Variants in FRYL observed in about 807,000 individuals in gnomAD.
FRYL encodes FRY like transcription coactivator.
A neutral mutation model predicts 351.2 loss-of-function variants in FRYL; 150 were observed. The observed-to-expected ratio is 0.43, with a 90% CI of 0.37 to 0.49. The LOEUF (loss-of-function observed/expected upper bound fraction) is 0.49, where lower values mean the gene tolerates loss of function less well. Ranked by LOEUF, FRYL falls within the 20% of genes least tolerant of loss-of-function variation. FRYL has a pLI of 0.00. For missense variants in FRYL, 3,036 were observed against 3,619.3 expected (o/e 0.84, Z 4.13); for synonymous variants, 1,153 against 1,257.1 (o/e 0.92, Z 1.75).
chr4:48,531,292 A>G lies in FRYL; in HGVS notation c.6767T>C (p.Leu2256Pro). 6.2e-7 allele frequency: 1 copy of G among 1,613,780 alleles called. No homozygotes were observed. Among genetic ancestry groups the G allele is most frequent in the Non-Finnish European group, 8.5e-7 (1 of 1,179,724 alleles). ...CTTGGGGATATCACTGGGTACGACAAGACTCGCAGAGCGTGACACCACCAG... is the reference window on the plus strand; with the variant it reads ...CTTGGGGATATCACTGGGTACGACAGGACTCGCAGAGCGTGACACCACCAG... ...LKLVVSRSAS[L>P]VVPSDIPKTY... The change falls in exon 50 of 64, where the codon CTT (leucine) becomes CCT (proline). Residue 2256 changes from leucine to proline, a missense_variant. Coordinates refer to ENST00000358350, the MANE Select transcript of FRYL (RefSeq NM_015030.2).
rs1724797015 is a variant in FRYL, at chr4:48,521,035, C to T, written c.7689+13G>A. On this transcript the variant is annotated intron_variant, in intron 55 of 63. Transcript: ENST00000358350. ...CCCAGATTGGCCATGCACCAGCCTC[C>T]ATTTCTCCCCACCTCAGGCAGCCGG... The T allele has an allele frequency of 1.9e-6, 3 of 1,601,218 alleles. No individual in the cohort carries two copies. The highest frequency in any genetic ancestry group is 2.6e-6 in the Non-Finnish European group (3 of 1,173,254).
chr4:48,562,968 A>G lies in FRYL; in HGVS notation c.3617T>C (p.Val1206Ala). The change falls in exon 32 of 64, where the codon GTG (valine) becomes GCG (alanine). Residue 1206 changes from valine to alanine, a missense_variant. By Grantham distance (64) the Val-to-Ala change is moderately conservative. Transcript: ENST00000358350. Reference protein sequence around the residue: ...FQNRDYQCDTVMLLNLILFKA... With the variant: ...FQNRDYQCDTAMLLNLILFKA... ...AAACAGTATCAGATTTAGAAGCATC[A>G]CTGTGTCACATTGATAATCCCTAGG... 1.2e-6 allele frequency: 2 copies of G among 1,602,868 alleles called. No individual in the cohort carries two copies. The highest frequency in any genetic ancestry group is 8.5e-7 in the Non-Finnish European group (1 of 1,170,834).
Position 48,498,847 on chromosome 4 carries a change from C to G in FRYL, c.*575G>C, listed in dbSNP as rs757063243. ...ACTCACACACACATAATTCCTTATA[C>G]AGACCAAAAAACAAAAAAACCCAAA... On this transcript the variant is annotated 3_prime_UTR_variant, in exon 64 of 64. Coordinates refer to ENST00000358350, the MANE Select transcript of FRYL (RefSeq NM_015030.2). 1.9e-4 allele frequency: 29 copies of G among 156,160 alleles called. No individual in the cohort carries two copies. The highest frequency in any genetic ancestry group is 3.1e-4 in the Non-Finnish European group (22 of 70,322). 9.7% of individuals were successfully genotyped at this position (156,160 alleles called of 1,614,324 possible).
intron 55 of FRYL, among the ~76,000 whole-genome samples, chr4:48,520,312 T>G (rs1220638826): frequency 1.3e-5 from 2 of 152,202 alleles, no homozygotes; most frequent in African/African-American, 4.8e-5. Context: ...AGAGTCAGCC[T>G]AACAAGAACA....
intron 1 of FRYL, among the ~76,000 whole-genome samples, chr4:48,748,245 C>CA (rs1043183710): frequency 4.8e-5 from 7 of 146,782 alleles, no homozygotes; most frequent in South Asian, 2.1e-4. Context: ...GACTCCGTTT[C>CA]AAAAAAAAAA....
chr4:48,627,611 C>T (rs763139693), intron 4 of FRYL, among the ~76,000 whole-genome samples: 1 of 151,478 alleles, frequency 6.6e-6, no homozygotes, highest in Non-Finnish European at 1.5e-5. Flanking sequence ...CAAAAGGATA[C>T]GTTATCCAAA....
Position 48,626,288 on chromosome 4 carries a change from G to A in FRYL, c.121-3109C>T, listed in dbSNP as rs565818584. On this transcript the variant is annotated intron_variant, in intron 4 of 63. Coordinates refer to ENST00000358350, the MANE Select transcript of FRYL (RefSeq NM_015030.2). Reference sequence around the variant, plus strand: ...TGTATATGTGTATACATGTGTATACGTATGCATATGTTTATATTTAAGTTT... The same window carrying A: ...TGTATATGTGTATACATGTGTATACATATGCATATGTTTATATTTAAGTTT... Among the ~76,000 whole-genome samples, 19 of 151,376 alleles carry A rather than the reference G, an allele frequency of 1.3e-4. No individual in the cohort carries two copies. In the East Asian group the frequency reaches 2.9e-3, roughly 23 times the overall value.
chr4:48,732,650 A>G (rs990433749), intron 1 of FRYL, among the ~76,000 whole-genome samples: 2 of 152,024 alleles, frequency 1.3e-5, no homozygotes, highest in Non-Finnish European at 2.9e-5. Context: ...GCTGGAAACC[A>G]TCATTCTCAG....
At chr4:48,584,144 T>C (rs1055985922) in intron 19 of FRYL, among the ~76,000 whole-genome samples, 1 of 152,204 alleles carries the variant, frequency 6.6e-6, no homozygotes, top group Non-Finnish European at 1.5e-5. Flanking sequence ...ATAATAATAT[T>C]ATATGAATAA....
intron 3 of FRYL, among the ~76,000 whole-genome samples, chr4:48,645,752 C>A (rs1192546388): frequency 6.6e-6 from 1 of 152,108 alleles, no homozygotes; most frequent in South Asian, 2.1e-4. Context: ...GAACAGTTGG[C>A]TCTATACAAT....
chr4:48,674,992 T>G (rs191273834), intron 3 of FRYL, among the ~76,000 whole-genome samples: 1 of 152,302 alleles, frequency 6.6e-6, no homozygotes, highest in African/African-American at 2.4e-5. Context: ...CCATTGTCTT[T>G]TTGCCTAAAA....
intron 1 of FRYL, among the ~76,000 whole-genome samples, chr4:48,773,605 G>T (rs1352880318): frequency 5.9e-5 from 9 of 152,104 alleles, no homozygotes; most frequent in Admixed American, 3.3e-4. Context: ...TATTCTCCAG[G>T]CTTAGGTAGA....
intron 27 of FRYL, among the ~76,000 whole-genome samples, chr4:48,568,095 T>C (rs1177384064): frequency 1.3e-5 from 2 of 152,156 alleles, no homozygotes; most frequent in African/African-American, 4.8e-5. Context: ...TGAAACCCCA[T>C]CTCTACAAAA....
Position 48,550,550 on chromosome 4 carries a change from C to A in FRYL, c.4633+42G>T, listed in dbSNP as rs748184068. On this transcript the variant is annotated intron_variant, in intron 38 of 63. Transcript: ENST00000358350. ...AACATTAATGTAATTAACAATACAC[C>A]TCACCCTTATAGTTATATTAAAAAC... is the stretch of plus-strand genomic sequence containing the variant. 3 of 1,190,692 alleles carry A rather than the reference C, an allele frequency of 2.5e-6. No homozygotes were observed. The Admixed American group carries it at 5.0e-5, about 20-fold the overall frequency. 73.8% of individuals were successfully genotyped at this position (1,190,692 alleles called of 1,614,324 possible).
intron 59 of FRYL, chr4:48,506,248 T>C (rs1720883699): frequency 6.6e-6 from 1 of 151,936 alleles, no homozygotes; most frequent in African/African-American, 2.4e-5. Flanking sequence ...GATATAAAAG[T>C]ACAGGCTGGG....
intron 4 of FRYL, among the ~76,000 whole-genome samples, chr4:48,623,885 C>CCT (rs10674490): frequency 0.99 from 150,472 of 152,224 alleles, 74,388 homozygotes; most frequent in East Asian, 1. Flanking sequence ...ATATAAAATA[C>CCT]CTTTTATATG....
intron 3 of FRYL, among the ~76,000 whole-genome samples, chr4:48,663,845 T>C (rs1454594730): frequency 1.3e-5 from 2 of 150,398 alleles, no homozygotes; most frequent in African/African-American, 2.5e-5. Context: ...TAGTGGATAT[T>C]AGAAGTGTGT....
In FRYL at chr4:48,695,391, G is replaced by A. The variant is rs144921506; in HGVS notation, c.-203-10596C>T. Reference sequence around the variant, plus strand: ...ATGTAAAGGTCTCCGTCATTTAAAGGTAAGTTTTCCACGTATGATTACAGG... The same window carrying A: ...ATGTAAAGGTCTCCGTCATTTAAAGATAAGTTTTCCACGTATGATTACAGG... On this transcript the variant is annotated intron_variant, in intron 2 of 63. Coordinates refer to ENST00000358350, the MANE Select transcript of FRYL (RefSeq NM_015030.2). Among the ~76,000 whole-genome samples the A allele has an allele frequency of 2.0e-5, 3 of 152,218 alleles. No individual in the cohort carries two copies. In the East Asian group the frequency reaches 5.8e-4, roughly 29 times the overall value.
rs1439196878 is a variant in FRYL at position 48,697,272 on chromosome 4, T to C, written c.-203-12477A>G. Among the ~76,000 whole-genome samples the C allele has an allele frequency of 2.0e-5, 3 of 152,146 alleles. No individual in the cohort carries two copies. In the East Asian group the frequency reaches 5.8e-4, roughly 29 times the overall value. ...ACCTAAATTTTACCTAAAATTTCCA[T>C]TCTTTTGAGGTTTTGACTTATTTGG... On this transcript the variant is annotated intron_variant, in intron 2 of 63. Transcript: ENST00000358350.
Sources: gnomAD v4.1 joint callset for allele counts (sites outside exome capture counted in the v4.1 genomes callset) on GRCh38, gnomAD v4.1.1 for gene constraint, MANE v1.5 for transcripts, NCBI Gene and HGNC (gene_info 2026-07-23, HGNC 2026-07-21) for gene names.